The following DCC variants were observed in gnomAD, a reference collection of about 807,000 sequenced individuals.
DCC encodes the protein netrin receptor DCC.
DCC carries 58 observed loss-of-function variants against 172.5 expected under a neutral mutation model. The observed-to-expected ratio is 0.34, with a 90% confidence interval of 0.27 to 0.42. The LOEUF is 0.42. Ranked by LOEUF, DCC falls within the 10% of genes least tolerant of loss-of-function variation. DCC has a pLI of 1.00. For synonymous variants in DCC, 709 were observed against 644.5 expected (o/e 1.10, Z -1.52); for missense variants, 1,740 against 1,791.0 (o/e 0.97, Z 0.51).
At chr18:52,654,477 C>T (rs1284312363) in intron 1 of DCC, among the ~76,000 whole-genome samples, 2 of 152,154 alleles carry the variant, frequency 1.3e-5, no homozygotes, top group South Asian at 2.1e-4. Flanking sequence ...TGGAGGCTGA[C>T]ATCCAACTCA....
intron 1 of DCC, among the ~76,000 whole-genome samples, chr18:52,397,396 C>G (rs1986271717): frequency 6.6e-6 from 1 of 152,006 alleles, no homozygotes; most frequent in South Asian, 2.1e-4. Context: ...TAGAGCAGGT[C>G]CTCACACACA....
intron 8 of DCC, among the ~76,000 whole-genome samples, chr18:53,170,428 AT>A (rs5824994): frequency 6.6e-6 from 1 of 152,154 alleles, no homozygotes; most frequent in Admixed American, 6.6e-5. Context: ...ATCAATAAAG[AT>A]TTTTTTTGGA....
intron 3 of DCC, among the ~76,000 whole-genome samples, chr18:52,913,507 C>A (rs1046536262): frequency 4.6e-5 from 7 of 151,344 alleles, no homozygotes; most frequent in Admixed American, 1.3e-4. Flanking sequence ...GTTTTTTTTT[C>A]TATTTTTATT....
chr18:52,738,806 C>T (rs2036768887), intron 1 of DCC, among the ~76,000 whole-genome samples: 1 of 148,594 alleles, frequency 6.7e-6, no homozygotes, highest in Non-Finnish European at 1.5e-5. Flanking sequence ...GTGGCACAAA[C>T]ATGGCTCAAT....
At chr18:52,953,036 C>G (rs1030653769) in intron 5 of DCC, among the ~76,000 whole-genome samples, 3 of 124,818 alleles carry the variant, frequency 2.4e-5, no homozygotes, top group Non-Finnish European at 5.1e-5. Context: ...AAACTCATAA[C>G]ATTGCCTTTA....
intron 12 of DCC, among the ~76,000 whole-genome samples, chr18:53,261,245 A>G (rs1447749771): frequency 2.0e-5 from 3 of 152,056 alleles, no homozygotes; most frequent in African/African-American, 7.2e-5. Flanking sequence ...AGTGAGATGA[A>G]CCCGGTACCT....
At chr18:52,970,229 T>G (rs536779821) in intron 5 of DCC, among the ~76,000 whole-genome samples, 1 of 152,228 alleles carries the variant, frequency 6.6e-6, no homozygotes, top group South Asian at 2.1e-4. Context: ...TTCTGAATAA[T>G]TAATCACTAT....
chr18:52,824,742 A>C (rs1030212887), intron 2 of DCC, among the ~76,000 whole-genome samples: 1 of 152,088 alleles, frequency 6.6e-6, no homozygotes, highest in African/African-American at 2.4e-5. Context: ...AGGCTGAAGC[A>C]GGCAGATCAC....
rs190978165 is a variant in DCC at position 53,350,265 on chromosome 18, G to A, written c.2359+10358G>A. Reference sequence around the variant, plus strand: ...GCCATTGATGTGGATTAACAAAGATGTATCGGGAATTAAGTTCTTAGAATT... The same window carrying A: ...GCCATTGATGTGGATTAACAAAGATATATCGGGAATTAAGTTCTTAGAATT... On this transcript the variant is annotated intron_variant, in intron 15 of 28. Coordinates refer to ENST00000442544, the MANE Select transcript of DCC (RefSeq NM_005215.4). Among the ~76,000 whole-genome samples the A allele has an allele frequency of 5.6e-3, 851 of 152,228 alleles. 6 individuals are homozygous for A. The highest frequency in any genetic ancestry group is 0.024 in the Admixed American group (373 of 15,284).
intron 1 of DCC, among the ~76,000 whole-genome samples, chr18:52,627,411 T>C (rs918564034): frequency 6.6e-5 from 10 of 152,186 alleles, no homozygotes; most frequent in Admixed American, 2.0e-4. Context: ...TCACAAGACA[T>C]CAACACTGCC....
intron 7 of DCC, among the ~76,000 whole-genome samples, chr18:53,120,310 G>GT (rs1250715290): frequency 6.6e-6 from 1 of 151,528 alleles, no homozygotes; most frequent in African/African-American, 2.4e-5. Context: ...ATAGAATTGC[G>GT]TTTTAAATTT....
chr18:52,862,900 T>A (rs1018748701), intron 2 of DCC, among the ~76,000 whole-genome samples: 8 of 152,174 alleles, frequency 5.3e-5, no homozygotes, highest in Non-Finnish European at 1.0e-4. Flanking sequence ...TATTTTACTA[T>A]GTCTTGTTAA....
At chr18:52,554,957 AAGAT>A (rs1244140857) in intron 1 of DCC, among the ~76,000 whole-genome samples, 3 of 152,072 alleles carry the variant, frequency 2.0e-5, no homozygotes, top group African/African-American at 7.2e-5. Context: ...TGAAAGATAA[AAGAT>A]AGAATTTAGG....
intron 12 of DCC, among the ~76,000 whole-genome samples, chr18:53,292,684 C>T (rs1423609427): frequency 3.9e-5 from 6 of 152,010 alleles, no homozygotes; most frequent in African/African-American, 7.2e-5. Flanking sequence ...AGCGAAACTC[C>T]GTCTCAAAAC....
intron 1 of DCC, among the ~76,000 whole-genome samples, chr18:52,673,779 A>G (rs180692643): frequency 2.6e-5 from 4 of 152,306 alleles, no homozygotes; most frequent in Admixed American, 2.6e-4. Flanking sequence ...CAGAAGAGAG[A>G]ATATTGTCCT....
At chr18:53,035,349 G>A (rs989709448) in intron 5 of DCC, among the ~76,000 whole-genome samples, 3 of 152,114 alleles carry the variant, frequency 2.0e-5, no homozygotes, top group Non-Finnish European at 4.4e-5. Context: ...TTTATTTTCT[G>A]TTGAATCCTC....
intron 2 of DCC, among the ~76,000 whole-genome samples, chr18:52,784,295 C>T (rs2037610872): frequency 6.6e-6 from 1 of 151,966 alleles, no homozygotes; most frequent in Admixed American, 6.6e-5. Context: ...TATTTTTATA[C>T]CACATTTTCT....
chr18:52,679,039 T>C (rs1200645377), intron 1 of DCC, among the ~76,000 whole-genome samples: 2 of 152,022 alleles, frequency 1.3e-5, no homozygotes, highest in Admixed American at 6.6e-5. Context: ...TATATTGACC[T>C]AGGAGTGTAA....
chr18:53,025,795 T>TACACACACAC lies in DCC; in HGVS notation c.986-37482_986-37473dup, dbSNP rs34351949. 3.9e-3 allele frequency among the ~76,000 whole-genome samples: 557 copies of TACACACACAC among 141,594 alleles called. 5 individuals are homozygous for TACACACACAC. Among genetic ancestry groups the TACACACACAC allele is most frequent in the Non-Finnish European group, 4.7e-3 (309 of 65,138 alleles). 92.9% of individuals were successfully genotyped at this position (141,594 alleles called of 152,430 possible). ...CAGATTTAATGGGCAAAAACTATGA[T>TACACACACAC]ACACACACACACACACACACACACA... On this transcript the variant is annotated intron_variant, in intron 5 of 28. Coordinates refer to ENST00000442544, the MANE Select transcript of DCC (RefSeq NM_005215.4).
Sources: gnomAD v4.1 joint callset for allele counts (sites outside exome capture counted in the v4.1 genomes callset) on GRCh38, gnomAD v4.1.1 for gene constraint, MANE v1.5 for transcripts, NCBI Gene and HGNC (gene_info 2026-07-23, HGNC 2026-07-21) for gene names.